TNF: variants seen among roughly 807,000 people sequenced by gnomAD.
The protein encoded by TNF is tumor necrosis factor.
In TNF, 7 loss-of-function variants were observed where a neutral mutation model predicts 21.8. That is an observed-to-expected ratio of 0.32 (90% CI 0.18 to 0.60). The LOEUF is 0.60. Among genes scored for constraint, TNF ranks in the 20% least tolerant of loss-of-function variants. TNF has a pLI of 0.84. For missense variants in TNF, 216 were observed against 296.6 expected, an observed-to-expected ratio of 0.73 and a Z score of 2.00; for synonymous variants, 123 against 130.2, an observed-to-expected ratio of 0.94 and a Z score of 0.38.
rs1362729370 is a variant in TNF, at chr6:31,577,781, C to G, written c.*244C>G. The G allele has an allele frequency of 1.7e-6, 1 of 602,938 alleles. No individual in the cohort carries two copies. 37.3% of individuals were successfully genotyped at this position (602,938 alleles called of 1,614,324 possible). A position where few individuals can be genotyped will look rare whatever the true frequency, so the allele number is the denominator to read the frequency against. ...TTCAAACTGGGGCCTCCAGAACTCA[C>G]TGGGGCCTACAGCTTTGATCCCTGA... On this transcript the variant is annotated 3_prime_UTR_variant, in exon 4 of 4. Coordinates refer to ENST00000449264, the MANE Select transcript of TNF (RefSeq NM_000594.4). This position sits in a 1 kb window ranked among gnomAD's most constrained non-coding sequence, Gnocchi z 7.7.
chr6:31,577,339 C>T lies in TNF; in HGVS notation c.504C>T (p.Asn168=). Residue 168 remains asparagine (N), a synonymous_variant, in exon 4 of 4, where the codon AAC becomes AAT. Transcript: ENST00000449264. This position sits in a 1 kb window ranked among gnomAD's most constrained non-coding sequence, Gnocchi z 7.7. The part of the protein sequence containing the change: ...RIAVSYQTKV[N]LLSAIKSPCQ... ...CCGTCTCCTACCAGACCAAGGTCAA[C>T]CTCCTCTCTGCCATCAAGAGCCCCT... 6.2e-7 allele frequency: 1 copy of T among 1,613,228 alleles called. No homozygotes were observed. The highest frequency in any genetic ancestry group is 1.6e-4 in the Middle Eastern group (1 of 6,062).
At position 31,575,976 on chromosome 6, in the gene TNF, G is replaced by A. The variant is rs1771161013; in HGVS notation, c.186+49G>A. 2 of 1,434,602 alleles carry A rather than the reference G, an allele frequency of 1.4e-6. No homozygotes were observed. Among genetic ancestry groups the A allele is most frequent in the Non-Finnish European group, 1.8e-6 (2 of 1,085,990 alleles). The allele number at this position is 1,434,602 out of a possible 1,614,324, so 88.9% of individuals were successfully genotyped here. The stretch of plus-strand genomic sequence containing the variant: ...CCACTCTCCCACCCAAGGGGAAATG[G>A]AGACGCAAGAGAGGGAGAGAGATGG... On this transcript the variant is annotated intron_variant, in intron 1 of 3. Coordinates refer to ENST00000449264, the MANE Select transcript of TNF (RefSeq NM_000594.4). This position sits in a 1 kb window ranked among gnomAD's most constrained non-coding sequence, Gnocchi z 6.2.
At chr6:31,576,504 G>C (rs746433040) in intron 1 of TNF, 30 bp from the exon 2 acceptor site, 6 of 1,611,650 alleles carry the variant, frequency 3.7e-6, no homozygotes, top group Non-Finnish European at 5.1e-6. Flanking sequence ...TGACTCCCTC[G>C]ATGTTAACCA....
chr6:31,577,012 G>C lies in TNF; in HGVS notation c.281-104G>C. Reference sequence around the variant, plus strand: ...TGGGATGTGGGATGACAGACAGAGAGGACAGGAACCGGATGTGGGGTGGGC... The same window carrying C: ...TGGGATGTGGGATGACAGACAGAGACGACAGGAACCGGATGTGGGGTGGGC... On this transcript the variant is annotated intron_variant, in intron 3 of 3. Transcript: ENST00000449264. This position sits in a 1 kb window ranked among gnomAD's most constrained non-coding sequence, Gnocchi z 7.7. 2 of 1,461,014 alleles carry C rather than the reference G, an allele frequency of 1.4e-6. No individual in the cohort carries two copies. Among genetic ancestry groups the C allele is most frequent in the Non-Finnish European group, 9.3e-7 (1 of 1,071,984 alleles). The allele number at this position is 1,461,014 out of a possible 1,614,324, so 90.5% of individuals were successfully genotyped here.
At chr6:31,576,937 T>G in intron 3 of TNF, 123 bp downstream of exon 3, 1 of 1,397,586 alleles carries the variant, frequency 7.2e-7, no homozygotes, top group Non-Finnish European at 1.0e-6. Context: ...AAGGGAAGGG[T>G]GGAGGAACAG....
intron 3 of TNF, 66 bp downstream of exon 3, chr6:31,576,880 A>G: frequency 6.3e-7 from 1 of 1,575,564 alleles, no homozygotes; most frequent in Non-Finnish European, 8.7e-7. Context: ...AGCCCGGCTG[A>G]TGGTAGGCAG....
Position 31,575,983 on chromosome 6 carries a change from AAG to A in TNF, c.186+61_186+62del. 7.0e-7 allele frequency: 1 copy of A among 1,424,148 alleles called. No homozygotes were observed. Among genetic ancestry groups the A allele is most frequent in the Middle Eastern group, 2.0e-4 (1 of 5,006 alleles). The allele number at this position is 1,424,148 out of a possible 1,614,324, so 88.2% of individuals were successfully genotyped here. ...CCCACCCAAGGGGAAATGGAGACGC[AAG>A]AGAGGGAGAGAGATGGGATGGGTGA... On this transcript the variant is annotated intron_variant, in intron 1 of 3. Transcript: ENST00000449264. This position sits in a 1 kb window ranked among gnomAD's most constrained non-coding sequence, Gnocchi z 6.2.
Position 31,575,659 on chromosome 6 carries a change from T to A in TNF, c.-83T>A. On this transcript the variant is annotated 5_prime_UTR_variant, in exon 1 of 4. Transcript: ENST00000449264. This position sits in a 1 kb window ranked among gnomAD's most constrained non-coding sequence, Gnocchi z 6.2. ...CTGAAAACAACCCTCAGACGCCACATCCCCTGACAAGCTGCCAGGCAGGTT... is the reference window on the plus strand; with the variant it reads ...CTGAAAACAACCCTCAGACGCCACAACCCCTGACAAGCTGCCAGGCAGGTT... 1.5e-6 allele frequency: 2 copies of A among 1,319,902 alleles called. No individual in the cohort carries two copies. Among genetic ancestry groups the A allele is most frequent in the Non-Finnish European group, 2.0e-6 (2 of 979,874 alleles). 81.8% of individuals were successfully genotyped at this position (1,319,902 alleles called of 1,614,324 possible).
chr6:31,577,384 G>GGGGGCTGAGGCCAAGCCC lies in TNF; in HGVS notation c.550_567dup (p.Gly184_Pro189dup), dbSNP rs762741913. 4.0e-5 allele frequency: 64 copies of GGGGGCTGAGGCCAAGCCC among 1,613,058 alleles called. No individual in the cohort carries two copies. Among genetic ancestry groups the GGGGGCTGAGGCCAAGCCC allele is most frequent in the Non-Finnish European group, 5.2e-5 (61 of 1,180,052 alleles). On this transcript the variant is annotated inframe_insertion, in exon 4 of 4. Transcript: ENST00000449264. This position sits in a 1 kb window ranked among gnomAD's most constrained non-coding sequence, Gnocchi z 7.7. ...GCCCCTGCCAGAGGGAGACCCCAGA[G>GGGGGCTGAGGCCAAGCCC]GGGGCTGAGGCCAAGCCCTGGTATG...
At position 31,575,788 on chromosome 6, in the gene TNF, C is replaced by G. The variant is rs763000109; in HGVS notation, c.47C>G (p.Ala16Gly). Reference sequence around the variant, plus strand: ...CGGGACGTGGAGCTGGCCGAGGAGGCGCTCCCCAAGAAGACAGGGGGGCCC... The same window carrying G: ...CGGGACGTGGAGCTGGCCGAGGAGGGGCTCCCCAAGAAGACAGGGGGGCCC... ...MIRDVELAEE[A>G]LPKKTGGPQG... Residue 16 changes from alanine to glycine, a missense_variant, in exon 1 of 4, where the codon GCG becomes GGG. Physicochemically the swap from Ala to Gly is moderately conservative, Grantham distance 60 (BLOSUM62 0). Coordinates refer to ENST00000449264, the MANE Select transcript of TNF (RefSeq NM_000594.4). The surrounding 1 kb of genome is among the most constrained non-coding windows in gnomAD (Gnocchi z 6.2). 1.9e-6 allele frequency: 3 copies of G among 1,607,730 alleles called. No individual in the cohort carries two copies. The highest frequency in any genetic ancestry group is 1.1e-5 in the South Asian group (1 of 90,404).
rs557263022 is a variant in TNF at position 31,577,566 on chromosome 6, G to A, written c.*29G>A. 3 of 1,612,440 alleles carry A rather than the reference G, an allele frequency of 1.9e-6. No individual in the cohort carries two copies. The highest frequency in any genetic ancestry group is 1.3e-5 in the African/African-American group (1 of 75,028). On this transcript the variant is annotated 3_prime_UTR_variant, in exon 4 of 4. Coordinates refer to ENST00000449264, the MANE Select transcript of TNF (RefSeq NM_000594.4). The surrounding 1 kb of genome is among the most constrained non-coding windows in gnomAD (Gnocchi z 7.7). ...GGACGAACATCCAACCTTCCCAAAC[G>A]CCTCCCCTGCCCCAATCCCTTTATT...
chr6:31,577,077 G>A lies in TNF; in HGVS notation c.281-39G>A. The A allele has an allele frequency of 6.4e-7, 1 of 1,566,754 alleles. No homozygotes were observed. ...AGGATGTGGAGAGTGAACCGACATGGCCACACTGACTCTCCTCTCCCTCTC... is the reference window on the plus strand; with the variant it reads ...AGGATGTGGAGAGTGAACCGACATGACCACACTGACTCTCCTCTCCCTCTC... On this transcript the variant is annotated intron_variant, in intron 3 of 3. Coordinates refer to ENST00000449264, the MANE Select transcript of TNF (RefSeq NM_000594.4). The surrounding 1 kb of genome is among the most constrained non-coding windows in gnomAD (Gnocchi z 7.7).
At chr6:31,576,963 G>T (rs1222870887) in intron 3 of TNF, 149 bp downstream of exon 3, 12 of 1,340,724 alleles carry the variant, frequency 9.0e-6, no homozygotes, top group South Asian at 2.5e-5. Context: ...GCCTTAGTGG[G>T]ATACTCAGAA....
At chr6:31,576,423 G>A (rs1771183684) in intron 1 of TNF, 111 bp from the exon 2 acceptor site, 18 of 1,037,380 alleles carry the variant, frequency 1.7e-5, no homozygotes, top group Non-Finnish European at 2.5e-5. Context: ...GATGAATGGA[G>A]AGAGAAAACC....
In TNF at chr6:31,575,801, G is replaced by A; in HGVS notation, c.60G>A (p.Lys20=). Residue 20 remains lysine, a synonymous_variant, in exon 1 of 4, where the codon AAG becomes AAA. Coordinates refer to ENST00000449264, the MANE Select transcript of TNF (RefSeq NM_000594.4). This position sits in a 1 kb window ranked among gnomAD's most constrained non-coding sequence, Gnocchi z 6.2. The part of the protein sequence containing the change: ...VELAEEALPK[K]TGGPQGSRRC... ...TGGCCGAGGAGGCGCTCCCCAAGAA[G>A]ACAGGGGGGCCCCAGGGCTCCAGGC... 6.2e-7 allele frequency: 1 copy of A among 1,611,312 alleles called. No homozygotes were observed. Among genetic ancestry groups the A allele is most frequent in the East Asian group, 2.2e-5 (1 of 44,604 alleles).
chr6:31,576,609 C>A, intron 2 of TNF, 30 bp downstream of exon 2: 1 of 1,609,606 alleles, frequency 6.2e-7, no homozygotes, highest in Non-Finnish European at 8.5e-7. Context: ...TTTCCTAATT[C>A]TGGGTTTGGG....
chr6:31,575,960 C>G lies in TNF; in HGVS notation c.186+33C>G, dbSNP rs758071895. 6.8e-7 allele frequency: 1 copy of G among 1,462,586 alleles called. No homozygotes were observed. The highest frequency in any genetic ancestry group is 2.6e-5 in the East Asian group (1 of 39,128). 90.6% of individuals were successfully genotyped at this position (1,462,586 alleles called of 1,614,324 possible). The stretch of plus-strand genomic sequence containing the variant: ...CCTGGCCAGCCTTCATCCACTCTCC[C>G]ACCCAAGGGGAAATGGAGACGCAAG... On this transcript the variant is annotated intron_variant, in intron 1 of 3. Coordinates refer to ENST00000449264, the MANE Select transcript of TNF (RefSeq NM_000594.4). The surrounding 1 kb of genome is among the most constrained non-coding windows in gnomAD (Gnocchi z 6.2).
chr6:31,575,734 A>G lies in TNF; in HGVS notation c.-8A>G. The G allele has an allele frequency of 6.4e-7, 1 of 1,564,736 alleles. No homozygotes were observed. The highest frequency in any genetic ancestry group is 8.7e-7 in the Non-Finnish European group (1 of 1,156,052). On this transcript the variant is annotated 5_prime_UTR_variant, in exon 1 of 4. Transcript: ENST00000449264. The surrounding 1 kb of genome is among the most constrained non-coding windows in gnomAD (Gnocchi z 6.2). ...CGGCTCCACCCTCTCTCCCCTGGAA[A>G]GGACACCATGAGCACTGAAAGCATG...
intron 1 of TNF, 109 bp downstream of exon 1, chr6:31,576,036 G>A (rs1771164738): frequency 8.3e-6 from 10 of 1,199,472 alleles, no homozygotes; most frequent in Non-Finnish European, 1.1e-5. Flanking sequence ...AGGGAGGGAT[G>A]GAGAGAAAAA....
Sources: allele counts gnomAD v4.1 joint callset, GRCh38; gene constraint gnomAD v4.1.1; non-coding constraint Gnocchi (gnomAD v3.1); transcripts MANE v1.5; gene names NCBI Gene and HGNC (gene_info 2026-07-23, HGNC 2026-07-21).